The following ST7 variants were observed in gnomAD, a reference collection of about 807,000 sequenced individuals.
ST7 encodes the protein suppression of tumorigenicity 7.
In ST7, 28 loss-of-function variants were observed where a neutral mutation model predicts 78.7. The ratio of observed to expected loss-of-function variants is 0.36; its 90% CI spans 0.26 to 0.49. The LOEUF is 0.49. Ranked by LOEUF, ST7 falls within the 20% of genes least tolerant of loss-of-function variation. The pLI is 0.99. For synonymous variants in ST7, 247 were observed against 249.6 expected, an observed-to-expected ratio of 0.99 and a Z score of 0.10; for missense variants, 418 against 696.0, an observed-to-expected ratio of 0.60 and a Z score of 4.49.
chr7:117,068,889 G>A (rs1483169315), intron 1 of ST7, among the ~76,000 whole-genome samples: 1 of 152,156 alleles, frequency 6.6e-6, no homozygotes, highest in Non-Finnish European at 1.5e-5. Context: ...GAGCAGCTGG[G>A]GAAAGAATGA....
intron 1 of ST7, among the ~76,000 whole-genome samples, chr7:116,981,530 A>T (rs956170648): frequency 6.6e-6 from 1 of 152,214 alleles, no homozygotes; most frequent in African/African-American, 2.4e-5. Flanking sequence ...ATTATTGATT[A>T]TTCTCATTGT....
intron 1 of ST7, among the ~76,000 whole-genome samples, chr7:116,994,623 C>T (rs528112832): frequency 5.5e-4 from 83 of 152,008 alleles, no homozygotes; most frequent in Non-Finnish European, 1.0e-3. Context: ...AACCAATGGA[C>T]GCAATGTTTT....
intron 14 of ST7, among the ~76,000 whole-genome samples, chr7:117,221,148 C>T (rs1196803881): frequency 1.3e-5 from 2 of 152,196 alleles, no homozygotes; most frequent in Non-Finnish European, 2.9e-5. Context: ...AGGCGATTCT[C>T]TTGACCTCTG....
chr7:117,205,773 G>A (rs1023079260), intron 12 of ST7, among the ~76,000 whole-genome samples: 3 of 152,172 alleles, frequency 2.0e-5, no homozygotes, highest in African/African-American at 7.2e-5. Context: ...ATTTTGAAAA[G>A]TTGCTTCCAA....
At chr7:117,153,876 T>C (rs1806475350) in intron 9 of ST7, among the ~76,000 whole-genome samples, 2 of 152,108 alleles carry the variant, frequency 1.3e-5, no homozygotes, top group African/African-American at 4.8e-5. Flanking sequence ...GAGGTGATGA[T>C]ACCTAGAAGG....
At chr7:117,033,959 T>C (rs560753764) in intron 1 of ST7, among the ~76,000 whole-genome samples, 1 of 152,236 alleles carries the variant, frequency 6.6e-6, no homozygotes, top group South Asian at 2.1e-4. Context: ...TTTTTTTGTT[T>C]AGAGACAGGG....
At chr7:117,172,061 C>T (rs1450781365) in intron 10 of ST7, among the ~76,000 whole-genome samples, 3 of 151,890 alleles carry the variant, frequency 2.0e-5, no homozygotes, top group African/African-American at 7.3e-5. Context: ...AGCCATCCTC[C>T]TGCTTCAGCC....
At chr7:117,003,874 C>T (rs951229924) in intron 1 of ST7, among the ~76,000 whole-genome samples, 9 of 152,132 alleles carry the variant, frequency 5.9e-5, no homozygotes, top group Non-Finnish European at 1.3e-4. Flanking sequence ...ATTCATGTGA[C>T]ATGGAGGGTG....
intron 1 of ST7, among the ~76,000 whole-genome samples, chr7:116,986,125 G>A (rs1404392431): frequency 6.6e-6 from 1 of 152,230 alleles, no homozygotes; most frequent in African/African-American, 2.4e-5. Flanking sequence ...GAGCCACCAC[G>A]CCCAGCGTGA....
intron 1 of ST7, among the ~76,000 whole-genome samples, chr7:117,078,412 G>C (rs111371725): frequency 1.3e-5 from 2 of 152,182 alleles, no homozygotes; most frequent in African/African-American, 4.8e-5. Flanking sequence ...CATATATCTG[G>C]TGAAACAGAT....
At chr7:117,133,095 T>C (rs1204139402) in intron 6 of ST7, among the ~76,000 whole-genome samples, 1 of 152,010 alleles carries the variant, frequency 6.6e-6, no homozygotes, top group Non-Finnish European at 1.5e-5. Flanking sequence ...GAATATAAGC[T>C]GGCTTCTAGT....
chr7:117,148,934 A>G (rs1371384991), intron 9 of ST7, among the ~76,000 whole-genome samples: 1 of 152,188 alleles, frequency 6.6e-6, no homozygotes, highest in Non-Finnish European at 1.5e-5. Context: ...CACTGGAAAC[A>G]GACTTATTTC....
At chr7:116,994,015 CATTT>C (rs1794540155) in intron 1 of ST7, among the ~76,000 whole-genome samples, 5 of 152,122 alleles carry the variant, frequency 3.3e-5, no homozygotes, top group Non-Finnish European at 4.4e-5. Flanking sequence ...TATATCATAT[CATTT>C]ACCATTTTGA....
At chr7:117,204,104 T>A (rs1237670215) in intron 12 of ST7, among the ~76,000 whole-genome samples, 2 of 152,202 alleles carry the variant, frequency 1.3e-5, no homozygotes, top group Non-Finnish European at 2.9e-5. Context: ...ATGACCCTCG[T>A]TAGCCCAGGT....
chr7:117,092,298 A>AT (rs1800684314), intron 1 of ST7, among the ~76,000 whole-genome samples: 1 of 148,652 alleles, frequency 6.7e-6, no homozygotes, highest in Non-Finnish European at 1.5e-5. Context: ...AAAAAAAAAA[A>AT]AAAAAAGAAG....
At chr7:117,188,073 G>A (rs577294647) in intron 10 of ST7, among the ~76,000 whole-genome samples, 2 of 152,160 alleles carry the variant, frequency 1.3e-5, no homozygotes, top group South Asian at 4.1e-4. Flanking sequence ...TCAATTCTGT[G>A]CTGATATTTT....
At chr7:117,008,632 G>C (rs943241823) in intron 1 of ST7, among the ~76,000 whole-genome samples, 1 of 152,186 alleles carries the variant, frequency 6.6e-6, no homozygotes, top group Non-Finnish European at 1.5e-5. Context: ...ATGAGGTATT[G>C]TTCATAGTAT....
chr7:117,207,613 T>G (rs1327757214), intron 12 of ST7, among the ~76,000 whole-genome samples: 1 of 152,206 alleles, frequency 6.6e-6, no homozygotes, highest in Non-Finnish European at 1.5e-5. Flanking sequence ...TAGTTTACAC[T>G]TTTCTTTTAT....
At chr7:117,115,509 C>G (rs1295966310) in intron 2 of ST7, among the ~76,000 whole-genome samples, 1 of 152,104 alleles carries the variant, frequency 6.6e-6, no homozygotes, top group Non-Finnish European at 1.5e-5. Context: ...CACCCACCAC[C>G]ACGCCTGGCT....
Sources: gnomAD v4.1 joint callset for allele counts (sites outside exome capture counted in the v4.1 genomes callset) on GRCh38, gnomAD v4.1.1 for gene constraint, MANE v1.5 for transcripts, NCBI Gene and HGNC (gene_info 2026-07-23, HGNC 2026-07-21) for gene names.